The following LAMA1 variants were observed in gnomAD, a reference collection of about 807,000 sequenced individuals.
LAMA1 encodes the protein laminin subunit alpha-1.
LAMA1 carries 219 observed loss-of-function variants against 348.7 expected under a neutral mutation model. The observed-to-expected ratio is 0.63, with a 90% CI of 0.56 to 0.70. The LOEUF is 0.70. Among genes scored for constraint, LAMA1 ranks in the 30% least tolerant of loss-of-function variants. The pLI, the probability that LAMA1 is intolerant of heterozygous loss-of-function variation, is 0.00. For synonymous variants in LAMA1, 1,487 were observed against 1,491.0 expected (o/e 1.00, Z 0.06); for missense variants, 3,744 against 3,888.0 (o/e 0.96, Z 0.99).
intron 33 of LAMA1, 26 bp from the exon 34 acceptor site, chr18:6,995,472 A>C: frequency 8.3e-7 from 1 of 1,198,118 alleles, no homozygotes; most frequent in Middle Eastern, 1.9e-4. Flanking sequence ...GAAACAAATT[A>C]CAATGCTTCG....
At chr18:7,022,369 G>A (rs570727501) in intron 19 of LAMA1, among the ~76,000 whole-genome samples, 31 of 152,296 alleles carry the variant, frequency 2.0e-4, no homozygotes, top group Non-Finnish European at 3.8e-4. Context: ...TGGTATGATA[G>A]CCAGTCAAGG....
chr18:7,004,242 G>C (rs746613895), intron 29 of LAMA1, among the ~76,000 whole-genome samples: 3 of 152,234 alleles, frequency 2.0e-5, no homozygotes, highest in Non-Finnish European at 2.9e-5. Context: ...AAAAGGTTCA[G>C]TCGTATCTCC....
chr18:6,970,708 G>A (rs2057654124), intron 48 of LAMA1, among the ~76,000 whole-genome samples: 1 of 151,946 alleles, frequency 6.6e-6, no homozygotes, highest in Non-Finnish European at 1.5e-5. Flanking sequence ...TGCCTCCCGG[G>A]TTCAAGCAAT....
intron 1 of LAMA1, among the ~76,000 whole-genome samples, chr18:7,104,128 G>A (rs1487829944): frequency 3.3e-5 from 5 of 151,606 alleles, no homozygotes; most frequent in Admixed American, 6.6e-5. Flanking sequence ...ACAGGCGACC[G>A]CCACCACGCT....
chr18:6,979,313 G>A (rs9958915), intron 42 of LAMA1, among the ~76,000 whole-genome samples: 30,430 of 152,032 alleles, frequency 0.2, 3,805 homozygotes, highest in African/African-American at 0.35. Flanking sequence ...AGGACTTTGG[G>A]GCTTCCTGTT....
chr18:7,091,444 T>C (rs925362251), intron 1 of LAMA1, among the ~76,000 whole-genome samples: 8 of 152,186 alleles, frequency 5.3e-5, no homozygotes, highest in Non-Finnish European at 2.9e-5. Context: ...ACTTACAATA[T>C]TTATATCCTT....
intron 8 of LAMA1, 44 bp downstream of exon 8, chr18:7,043,183 G>T: frequency 6.3e-7 from 1 of 1,594,968 alleles, no homozygotes; most frequent in Non-Finnish European, 8.6e-7. Flanking sequence ...TTTTCCACCT[G>T]GGGAAGATGA....
chr18:6,958,541 T>A lies in LAMA1; in HGVS notation c.7900A>T (p.Thr2634Ser). 6.2e-7 allele frequency: 1 copy of A among 1,614,184 alleles called. No individual in the cohort carries two copies. The highest frequency in any genetic ancestry group is 8.5e-7 in the Non-Finnish European group (1 of 1,180,034). The change falls in exon 55 of 63, where the codon ACG becomes TCG. Residue 2634 changes from threonine to serine, a missense_variant. Physicochemically the swap from Thr to Ser is moderately conservative, Grantham distance 58 (BLOSUM62 1). This residue lies in a region of LAMA1 where 1,983 missense variants were observed against 1,934.3 expected (regional missense o/e 1.03). Coordinates refer to ENST00000389658, the MANE Select transcript of LAMA1 (RefSeq NM_005559.4). ...YVGGIPEGEG[T>S]SLLTMRRSFH... ...GATCTTCTCATTGTGAGCAGTGACGTCCCCTCTCCCTCTGGAATTCCCCCG... is the reference window on the plus strand; with the variant it reads ...GATCTTCTCATTGTGAGCAGTGACGACCCCTCTCCCTCTGGAATTCCCCCG...
At chr18:7,022,485 T>C (rs2057922294) in intron 19 of LAMA1, among the ~76,000 whole-genome samples, 1 of 152,212 alleles carries the variant, frequency 6.6e-6, no homozygotes, top group Admixed American at 6.5e-5. Flanking sequence ...TGGTGCCCTC[T>C]TGTGTCCCCA....
At chr18:6,995,899 T>C (rs968547629) in intron 33 of LAMA1, among the ~76,000 whole-genome samples, 14 of 152,210 alleles carry the variant, frequency 9.2e-5, no homozygotes, top group African/African-American at 3.4e-4. Flanking sequence ...TAATTTCTTG[T>C]ATAATTTTAT....
At chr18:7,040,394 G>A (rs2058015416) in intron 9 of LAMA1, among the ~76,000 whole-genome samples, 158 bp from the exon 10 acceptor site, 5 of 152,102 alleles carry the variant, frequency 3.3e-5, no homozygotes, top group South Asian at 2.1e-4. Context: ...ATTATTGTTC[G>A]AACACAGCCA....
chr18:6,960,846 A>AT (rs1277312576), intron 53 of LAMA1, among the ~76,000 whole-genome samples: 2 of 152,108 alleles, frequency 1.3e-5, no homozygotes, highest in African/African-American at 4.8e-5. Context: ...CTCTCAGCAC[A>AT]TTTCTTCCTC....
chr18:7,066,305 A>G (rs951986287), intron 3 of LAMA1, among the ~76,000 whole-genome samples: 2 of 152,222 alleles, frequency 1.3e-5, no homozygotes, highest in African/African-American at 4.8e-5. Context: ...AATAATGAAC[A>G]GGAAAGCACT....
intron 29 of LAMA1, 56 bp downstream of exon 29, chr18:7,007,083 A>G: frequency 1.2e-6 from 2 of 1,604,796 alleles, no homozygotes; most frequent in Admixed American, 1.7e-5. Context: ...GAAATCTGAC[A>G]CTCAGCGTCC....
intron 1 of LAMA1, among the ~76,000 whole-genome samples, chr18:7,090,943 G>T (rs575812995): frequency 6.6e-6 from 1 of 152,278 alleles, no homozygotes; most frequent in East Asian, 1.9e-4. Flanking sequence ...TGTGCTCAAG[G>T]TGTCCTTGAA....
intron 61 of LAMA1, among the ~76,000 whole-genome samples, chr18:6,943,748 C>A (rs1212979363): frequency 6.8e-6 from 1 of 146,248 alleles, no homozygotes; most frequent in African/African-American, 2.5e-5. Flanking sequence ...GAGGCTGAGG[C>A]AGGAAAATCG....
Position 7,062,087 on chromosome 18 carries a change from T to C in LAMA1, c.346-11151A>G, listed in dbSNP as rs141182485. ...TCGTCCAGTCATCATTAACTGAGCA[T>C]CTGCTTTGTCACAGGGACTAAGCCA... On this transcript the variant is annotated intron_variant, in intron 3 of 62. Coordinates refer to ENST00000389658, the MANE Select transcript of LAMA1 (RefSeq NM_005559.4). 2.8e-3 allele frequency among the ~76,000 whole-genome samples: 423 copies of C among 152,286 alleles called. 4 individuals are homozygous for C. The highest frequency in any genetic ancestry group is 9.7e-3 in the African/African-American group (402 of 41,566).
chr18:6,973,435 T>C (rs1161971395), intron 46 of LAMA1, among the ~76,000 whole-genome samples: 2 of 152,148 alleles, frequency 1.3e-5, no homozygotes, highest in African/African-American at 4.8e-5. Context: ...ACATCTGAGA[T>C]GAGCTAAACT....
intron 4 of LAMA1, 73 bp from the exon 5 acceptor site, chr18:7,049,330 C>T (rs185521878): frequency 1.5e-5 from 21 of 1,391,462 alleles, no homozygotes; most frequent in Admixed American, 1.0e-4. Context: ...GATGGCGTCT[C>T]GCTCTTTGGT....
Sources: gnomAD v4.1 joint callset for allele counts (sites outside exome capture counted in the v4.1 genomes callset) on GRCh38, gnomAD v4.1.1 for gene constraint, gnomAD v4.1.1 regional missense constraint, MANE v1.5 for transcripts, NCBI Gene and HGNC (gene_info 2026-07-23, HGNC 2026-07-21) for gene names.